GPR107: variants seen among roughly 807,000 people sequenced by gnomAD.
The protein encoded by GPR107 is protein GPR107.
Under a neutral mutation model 75.5 loss-of-function variants are expected in GPR107, and 31 were observed. That is an observed-to-expected ratio of 0.41 (90% CI 0.31 to 0.55). The LOEUF (loss-of-function observed/expected upper bound fraction) is 0.55, where lower values mean the gene tolerates loss of function less well. GPR107 is among the 20% of genes least tolerant of loss of function. The pLI is 0.26. For missense variants in GPR107, 572 were observed against 665.7 expected (o/e 0.86, Z 1.55); for synonymous variants, 267 against 251.3 (o/e 1.06, Z -0.59).
intron 17 of GPR107, among the ~76,000 whole-genome samples, chr9:130,132,596 C>G (rs147180302): frequency 6.6e-6 from 1 of 152,042 alleles, no homozygotes; most frequent in Non-Finnish European, 1.5e-5. Context: ...AGACCAGTCT[C>G]GCCAACATGG....
Position 130,135,192 on chromosome 9 carries a change from G to C in GPR107, c.*71G>C. 2 of 771,798 alleles carry C rather than the reference G, an allele frequency of 2.6e-6. No individual in the cohort carries two copies. The highest frequency in any genetic ancestry group is 3.5e-5 in the South Asian group (2 of 57,768). 47.8% of individuals were successfully genotyped at this position (771,798 alleles called of 1,614,324 possible). Reference sequence around the variant, plus strand: ...TATTCATAGTCCTATTGGACAGCAGGAGCAGCTCCTACAGTGAACTATTGG... The same window carrying C: ...TATTCATAGTCCTATTGGACAGCAGCAGCAGCTCCTACAGTGAACTATTGG... On this transcript the variant is annotated 3_prime_UTR_variant, in exon 18 of 18. Coordinates refer to ENST00000347136, the MANE Select transcript of GPR107 (RefSeq NM_020960.5).
At position 130,065,216 on chromosome 9, in the gene GPR107, C is replaced by T. The variant is rs574536589; in HGVS notation, c.142-10420C>T. ...CTATAATCCCAGCACTTTGGGAGGCCGAGGTGGGCAATCACCTGAGGTCAG... is the reference window on the plus strand; with the variant it reads ...CTATAATCCCAGCACTTTGGGAGGCTGAGGTGGGCAATCACCTGAGGTCAG... On this transcript the variant is annotated intron_variant, in intron 1 of 17. Transcript: ENST00000347136. Among the ~76,000 whole-genome samples the T allele has an allele frequency of 1.3e-3, 201 of 152,060 alleles. 1 individual carries two copies. The highest frequency in any genetic ancestry group is 4.5e-3 in the African/African-American group (187 of 41,478).
chr9:130,075,252 T>TTC (rs1341335836), intron 1 of GPR107, among the ~76,000 whole-genome samples: 1 of 145,162 alleles, frequency 6.9e-6, no homozygotes, highest in African/African-American at 2.6e-5. Flanking sequence ...TTTTTTTTTT[T>TTC]TTTTTTTTTT....
intron 5 of GPR107, among the ~76,000 whole-genome samples, chr9:130,080,542 A>G (rs1473486869): frequency 2.6e-5 from 4 of 151,492 alleles, no homozygotes. Context: ...CCCAGGCTGG[A>G]GTACAGTGGC....
At chr9:130,079,504 TA>T in intron 4 of GPR107, 125 bp from the exon 5 acceptor site, 1 of 678,624 alleles carries the variant, frequency 1.5e-6, no homozygotes, top group Non-Finnish European at 2.3e-6. Flanking sequence ...AGAATGTGGA[TA>T]ATAGAATCTA....
intron 6 of GPR107, 43 bp from the exon 7 acceptor site, chr9:130,086,377 C>A: frequency 1.2e-6 from 1 of 853,390 alleles, no homozygotes; most frequent in Non-Finnish European, 2.0e-6. Context: ...TAGCATGCTT[C>A]TATGCCGGTG....
intron 1 of GPR107, among the ~76,000 whole-genome samples, chr9:130,056,408 C>A (rs1589474596): frequency 6.6e-6 from 1 of 151,874 alleles, no homozygotes; most frequent in East Asian, 1.9e-4. Flanking sequence ...CAAGATTGAG[C>A]CCCTGTACTC....
chr9:130,094,781 A>G (rs968238208), intron 9 of GPR107, among the ~76,000 whole-genome samples: 2 of 151,976 alleles, frequency 1.3e-5, no homozygotes, highest in African/African-American at 4.8e-5. Context: ...CCCAGGTTCA[A>G]GCGATTCTCT....
intron 9 of GPR107, 25 bp from the exon 10 acceptor site, chr9:130,099,432 A>C (rs1416881357): frequency 7.4e-7 from 1 of 1,359,646 alleles, no homozygotes; most frequent in African/African-American, 1.4e-5. Flanking sequence ...ATCTTCCTTT[A>C]ATTGTTTTCT....
At chr9:130,056,924 C>CAAAAAAAAAAAAAAAAAAAAAA (rs11442007) in intron 1 of GPR107, among the ~76,000 whole-genome samples, 2 of 42,890 alleles carry the variant, frequency 4.7e-5, no homozygotes, top group African/African-American at 2.3e-4. Context: ...GACTCCTTCT[C>CAAAAAAAAAAAAAAAAAAAAAA]AAAAAAAAAA....
chr9:130,110,798 C>T (rs1831278984), intron 14 of GPR107, among the ~76,000 whole-genome samples: 1 of 152,166 alleles, frequency 6.6e-6, no homozygotes, highest in Non-Finnish European at 1.5e-5. Flanking sequence ...CTTCCAGTCG[C>T]TGGTGCTGGG....
chr9:130,061,327 A>C (rs1278663795), intron 1 of GPR107, among the ~76,000 whole-genome samples: 1 of 152,256 alleles, frequency 6.6e-6, no homozygotes, highest in Non-Finnish European at 1.5e-5. Context: ...ATTGGAAATT[A>C]CTGTGGAGAG....
At chr9:130,062,273 C>A (rs1829943082) in intron 1 of GPR107, among the ~76,000 whole-genome samples, 1 of 151,458 alleles carries the variant, frequency 6.6e-6, no homozygotes, top group African/African-American at 2.4e-5. Flanking sequence ...AATTAGCCGG[C>A]GTGGTGGCGC....
intron 1 of GPR107, among the ~76,000 whole-genome samples, chr9:130,067,688 A>G (rs1177613693): frequency 6.9e-6 from 1 of 145,914 alleles, no homozygotes; most frequent in Non-Finnish European, 1.5e-5. Context: ...TAAACTTCTT[A>G]GGTTAGTTTC....
chr9:130,065,973 A>C (rs1461302301), intron 1 of GPR107, among the ~76,000 whole-genome samples: 1 of 97,244 alleles, frequency 1.0e-5, no homozygotes, highest in Non-Finnish European at 2.2e-5. Flanking sequence ...GCATTTATTC[A>C]CTCCCCCCCA....
chr9:130,138,850 G>C lies in GPR107; in HGVS notation c.*3729G>C, dbSNP rs781893418. 6.6e-6 allele frequency: 1 copy of C among 152,196 alleles called. No individual in the cohort carries two copies. The highest frequency in any genetic ancestry group is 2.4e-5 in the African/African-American group (1 of 41,432). 9.4% of individuals were successfully genotyped at this position (152,196 alleles called of 1,614,324 possible). A position where few individuals can be genotyped will look rare whatever the true frequency, so the allele number is the denominator to read the frequency against. On this transcript the variant is annotated 3_prime_UTR_variant, in exon 18 of 18. Coordinates refer to ENST00000347136, the MANE Select transcript of GPR107 (RefSeq NM_020960.5). The stretch of plus-strand genomic sequence containing the variant: ...TCCTTACAGACCAAGGAAGAGCATA[G>C]CGATGCCTGTTGGAATTGCAGATGC...
intron 14 of GPR107, among the ~76,000 whole-genome samples, chr9:130,109,583 T>A (rs1564678238): frequency 1.3e-5 from 2 of 149,394 alleles, no homozygotes; most frequent in African/African-American, 2.5e-5. Flanking sequence ...TTTTTTTTTT[T>A]TTTGGAGACG....
intron 1 of GPR107, among the ~76,000 whole-genome samples, chr9:130,054,384 G>C (rs1390682940): frequency 1.3e-5 from 2 of 152,166 alleles, no homozygotes; most frequent in Admixed American, 6.6e-5. Flanking sequence ...TCCTCACTCA[G>C]GGCAGCCCGA....
intron 16 of GPR107, 140 bp downstream of exon 16, chr9:130,127,706 T>A (rs1467618052): frequency 1.7e-6 from 1 of 594,994 alleles, no homozygotes; most frequent in African/African-American, 1.9e-5. Flanking sequence ...ACTAAAAATT[T>A]TTTTTTTAGT....
Sources: gnomAD v4.1 joint callset for allele counts (sites outside exome capture counted in the v4.1 genomes callset) on GRCh38, gnomAD v4.1.1 for gene constraint, MANE v1.5 for transcripts, NCBI Gene and HGNC (gene_info 2026-07-23, HGNC 2026-07-21) for gene names.